TRIM65: variants seen among roughly 807,000 people sequenced by gnomAD.
TRIM65 encodes E3 ubiquitin-protein ligase TRIM65.
TRIM65 carries 46 observed loss-of-function variants against 36.1 expected under a neutral mutation model. That is an observed-to-expected ratio of 1.27 (90% CI 1.01 to 1.63). The LOEUF is 1.63. Among genes scored for constraint, TRIM65 ranks in the 40% most tolerant of loss-of-function variants. The pLI is 0.00. For synonymous variants in TRIM65, 346 were observed against 313.6 expected, an observed-to-expected ratio of 1.10 and a Z score of -1.09; for missense variants, 708 against 696.6, an observed-to-expected ratio of 1.02 and a Z score of -0.18.
At position 75,896,608 on chromosome 17, in the gene TRIM65, G is replaced by T; in HGVS notation, c.330C>A (p.Gly110=). The T allele has an allele frequency of 7.9e-7, 1 of 1,265,612 alleles. No individual in the cohort carries two copies. Among genetic ancestry groups the T allele is most frequent in the Non-Finnish European group, 9.9e-7 (1 of 1,008,788 alleles). The allele number at this position is 1,265,612 out of a possible 1,614,324, so 78.4% of individuals were successfully genotyped here. A position where few individuals can be genotyped will look rare whatever the true frequency, so the allele number is the denominator to read the frequency against. ...CGGTGCACACGCTGCACACACAGCG[G>T]CCCTCGGTCCGGCAGAAGAGCTCCA... ...RPLELFCRTE[G]RCVCSVCTVR... is the part of the protein sequence containing the mutation. Residue 110 remains glycine, a synonymous_variant, in exon 1 of 6, where the codon GGC becomes GGA. Transcript: ENST00000269383.
chr17:75,880,354 G>A (rs184091293), exon 5 of TRIM65: 1 of 144,206 alleles, frequency 6.9e-6, no homozygotes. Flanking sequence ...TTTTTTTTAG[G>A]GAGTCTTGCT....
At chr17:75,893,544 C>A (rs2065303552) in intron 1 of TRIM65, among the ~76,000 whole-genome samples, 1 of 152,110 alleles carries the variant, frequency 6.6e-6, no homozygotes, top group Admixed American at 6.6e-5. Context: ...GGCTCCATTC[C>A]CAGCACCTGG....
intron 4 of TRIM65, among the ~76,000 whole-genome samples, chr17:75,881,739 TG>T (rs2065170700): frequency 6.6e-6 from 1 of 150,400 alleles, no homozygotes; most frequent in South Asian, 2.1e-4. Context: ...TGGGAAAGGC[TG>T]GGGAACTGTG....
At chr17:75,888,704 TG>T (rs1442316698), downstream of TRIM65, among the ~76,000 whole-genome samples, 2 of 152,186 alleles carry the variant, frequency 1.3e-5, no homozygotes, top group Non-Finnish European at 2.9e-5. Context: ...CTCCTGGCTG[TG>T]GGGCTGCACA....
intron 4 of TRIM65, among the ~76,000 whole-genome samples, chr17:75,882,919 C>T (rs978153510): frequency 5.4e-5 from 8 of 148,728 alleles, no homozygotes; most frequent in African/African-American, 1.0e-4. Flanking sequence ...AGCCAAGGCA[C>T]GAGGACTTGA....
chr17:75,891,699 C>T, intron 5 of TRIM65, 114 bp downstream of exon 5: 1 of 1,335,836 alleles, frequency 7.5e-7, no homozygotes, highest in East Asian at 2.5e-5. Context: ...AACAAGTGCC[C>T]CCCTCACTCA....
In TRIM65 at chr17:75,880,784, C is replaced by A. The variant is rs959680388; in HGVS notation, c.350-155G>T. On this transcript the variant is annotated intron_variant, in intron 4 of 4. Coordinates refer to the TRIM65 transcript ENST00000591668. ...GCACACACTGCTGCTTGTCCCACAC[C>A]CAAACCCTTGTCCACCTCTCCCACC... 2.6e-4 allele frequency among the ~76,000 whole-genome samples: 39 copies of A among 150,220 alleles called. 1 individual carries two copies. The highest frequency in any genetic ancestry group is 2.6e-3 in the Admixed American group (39 of 15,156).
At chr17:75,891,692 A>C (rs1462340892) in intron 5 of TRIM65, 121 bp downstream of exon 5, 5 of 1,293,498 alleles carry the variant, frequency 3.9e-6, no homozygotes, top group Non-Finnish European at 5.4e-6. Flanking sequence ...CAGTCAAAAC[A>C]AGTGCCCCCC....
chr17:75,886,859 C>T (rs913075730), downstream of TRIM65, among the ~76,000 whole-genome samples: 1 of 152,120 alleles, frequency 6.6e-6, no homozygotes, highest in Non-Finnish European at 1.5e-5. Flanking sequence ...CCTTTTCCCT[C>T]GATACCAGCG....
downstream of TRIM65, among the ~76,000 whole-genome samples, chr17:75,887,288 A>G (rs2144023757): frequency 6.6e-6 from 1 of 152,054 alleles, no homozygotes; most frequent in Admixed American, 6.6e-5. Context: ...GTTTGAGACC[A>G]GCCTGGCCAA....
rs1044568262 is a variant in TRIM65, at chr17:75,896,512, C to T, written c.414+12G>A. On this transcript the variant is annotated intron_variant, in intron 1 of 5. Coordinates refer to ENST00000269383, the MANE Select transcript of TRIM65 (RefSeq NM_173547.4). ...GGGTCCGGACCCCTCCCGCTCCCGG[C>T]GGATGCGTCACCTCGCGCTTGAGGC... 5 of 1,317,716 alleles carry T rather than the reference C, an allele frequency of 3.8e-6. No individual in the cohort carries two copies. The African/African-American group carries it at 4.6e-5, about 12-fold the overall frequency. The allele number at this position is 1,317,716 out of a possible 1,614,324, so 81.6% of individuals were successfully genotyped here.
downstream of TRIM65, among the ~76,000 whole-genome samples, chr17:75,887,759 C>G (rs1034184762): frequency 2.6e-5 from 4 of 152,130 alleles, no homozygotes; most frequent in Non-Finnish European, 5.9e-5. Context: ...TGGCGACTCA[C>G]GCCTGTAATC....
intron 5 of TRIM65, 47 bp from the exon 6 acceptor site, chr17:75,891,394 A>ACCAGATCTC (rs1272983853): frequency 5.7e-6 from 9 of 1,590,478 alleles, no homozygotes; most frequent in Non-Finnish European, 6.9e-6. Context: ...AGACAGCACA[A>ACCAGATCTC]CCAGATCTCC....
chr17:75,890,535 T>C lies in TRIM65; in HGVS notation c.*244A>G. On this transcript the variant is annotated 3_prime_UTR_variant, in exon 6 of 6. Coordinates refer to ENST00000269383, the MANE Select transcript of TRIM65 (RefSeq NM_173547.4). The stretch of plus-strand genomic sequence containing the variant: ...GCTCTCGCCTCCCAGGCCCAGACAG[T>C]ACCTAGAACTGGGTTCTCTCTGGGG... 2.4e-6 allele frequency: 1 copy of C among 424,292 alleles called. No homozygotes were observed. Among genetic ancestry groups the C allele is most frequent in the Non-Finnish European group, 4.1e-6 (1 of 241,872 alleles). The allele number at this position is 424,292 out of a possible 1,614,324, so 26.3% of individuals were successfully genotyped here.
At chr17:75,882,501 G>A (rs1024938331) in intron 4 of TRIM65, among the ~76,000 whole-genome samples, 7 of 150,794 alleles carry the variant, frequency 4.6e-5, no homozygotes, top group East Asian at 1.9e-4. Context: ...GAGCCACCGC[G>A]CCCAGCCTGG....
At position 75,896,880 on chromosome 17, in the gene TRIM65, G is replaced by T; in HGVS notation, c.58C>A (p.Gln20Lys). 1 of 1,529,268 alleles carries T rather than the reference G, an allele frequency of 6.5e-7. No homozygotes were observed. The highest frequency in any genetic ancestry group is 1.2e-5 in the South Asian group (1 of 82,588). The allele number at this position is 1,529,268 out of a possible 1,614,324, so 94.7% of individuals were successfully genotyped here. The change falls in exon 1 of 6, where the codon CAG (glutamine) becomes AAG (lysine). Residue 20 changes from glutamine (Q) to lysine (K), a missense_variant. Transcript: ENST00000269383. ...LTCAICLGLYQDPVTLPCGHN... is the reference protein window; with the variant it reads ...LTCAICLGLYKDPVTLPCGHN... The stretch of plus-strand genomic sequence containing the variant: ...CCGCAGGGCAGCGTCACTGGGTCCT[G>T]GTAGAGCCCCAGGCAGATGGCGCAG...
chr17:75,885,461 G>A (rs890919384), downstream of TRIM65, among the ~76,000 whole-genome samples: 10 of 152,122 alleles, frequency 6.6e-5, no homozygotes, highest in African/African-American at 2.4e-4. Context: ...ATTTTTGGTA[G>A]AGAGGTGTGT....
downstream of TRIM65, among the ~76,000 whole-genome samples, chr17:75,884,963 G>A (rs1224924761): frequency 7.1e-6 from 1 of 141,692 alleles, no homozygotes; most frequent in African/African-American, 2.7e-5. Context: ...TTGAGACAGA[G>A]TCTTGCTCTG....
intron 1 of TRIM65, among the ~76,000 whole-genome samples, chr17:75,894,678 C>T (rs989998706): frequency 3.9e-5 from 6 of 152,238 alleles, no homozygotes; most frequent in African/African-American, 1.4e-4. Flanking sequence ...TACAGGCGCC[C>T]GCCACCAGGC....
Sources: gnomAD v4.1 joint callset for allele counts (sites outside exome capture counted in the v4.1 genomes callset) on GRCh38, gnomAD v4.1.1 for gene constraint, MANE v1.5 for transcripts, NCBI Gene and HGNC (gene_info 2026-07-23, HGNC 2026-07-21) for gene names.